TLE3: variants seen among roughly 807,000 people sequenced by gnomAD.
The protein encoded by TLE3 is TLE family member 3, transcriptional corepressor.
In TLE3, 14 loss-of-function variants were observed where a neutral mutation model predicts 93.0. The ratio of observed to expected loss-of-function variants is 0.15; its 90% CI spans 0.10 to 0.24. The LOEUF is 0.24. Among genes scored for constraint, TLE3 ranks in the 10% least tolerant of loss-of-function variants. TLE3 has a pLI of 1.00. For synonymous variants in TLE3, 451 were observed against 425.0 expected (o/e 1.06, Z -0.75); for missense variants, 693 against 1,046.6 (o/e 0.66, Z 4.66).
chr15:70,079,221 C>A lies in TLE3; in HGVS notation c.235-3063G>T, dbSNP rs140502498. Among the ~76,000 whole-genome samples, 628 of 152,040 alleles carry A rather than the reference C, an allele frequency of 4.1e-3. 3 individuals are homozygous for A. Among genetic ancestry groups the A allele is most frequent in the African/African-American group, 0.014 (599 of 41,530 alleles). Reference sequence around the variant, plus strand: ...AAGCATCAACTGAGGGCTATCGCAACAATGCCACACAGATGCAGAACCTTC... The same window carrying A: ...AAGCATCAACTGAGGGCTATCGCAAAAATGCCACACAGATGCAGAACCTTC... On this transcript the variant is annotated intron_variant, in intron 4 of 19. Coordinates refer to ENST00000451782, the MANE Select transcript of TLE3 (RefSeq NM_001105192.3).
At chr15:70,065,663 A>G (rs1195438644) in intron 7 of TLE3, among the ~76,000 whole-genome samples, 1 of 152,246 alleles carries the variant, frequency 6.6e-6, no homozygotes, top group African/African-American at 2.4e-5. Context: ...AAACTCTTAC[A>G]GGAACTTGAA....
chr15:70,059,992 A>G (rs1252435399), intron 9 of TLE3, among the ~76,000 whole-genome samples: 1 of 152,174 alleles, frequency 6.6e-6, no homozygotes, highest in Admixed American at 6.5e-5. Context: ...GAGGCCCTGC[A>G]CCATATCCTC....
chr15:70,073,133 C>G (rs1369643717), intron 6 of TLE3, among the ~76,000 whole-genome samples: 1 of 152,190 alleles, frequency 6.6e-6, no homozygotes, highest in African/African-American at 2.4e-5. Flanking sequence ...CATCACGGGT[C>G]CTGACAGTGT....
rs1457885015 is a variant in TLE3, at chr15:70,061,882, G to GACCCA, written c.595-1234_595-1233insTGGGT. On this transcript the variant is annotated intron_variant, in intron 8 of 19. Transcript: ENST00000451782. ...GTCCCAGTCCCCATGCAACACAGGA[G>GACCCA]GTCATATGGAGACCCAGAGGGACAT... Among the ~76,000 whole-genome samples, 1,344 of 152,278 alleles carry GACCCA rather than the reference G, an allele frequency of 8.8e-3. 25 individuals carry two copies. Among genetic ancestry groups the GACCCA allele is most frequent in the African/African-American group, 0.031 (1,303 of 41,550 alleles).
At chr15:70,052,032 C>T (rs76962864) in intron 18 of TLE3, among the ~76,000 whole-genome samples, 3,415 of 152,310 alleles carry the variant, frequency 0.022, 141 homozygotes, top group East Asian at 0.21. Context: ...AGCAGACATT[C>T]CCATCCAAGG....
At position 70,050,121 on chromosome 15, in the gene TLE3, G is replaced by T; in HGVS notation, c.2286C>A (p.Ala762=). 2 of 1,614,028 alleles carry T rather than the reference G, an allele frequency of 1.2e-6. No homozygotes were observed. The highest frequency in any genetic ancestry group is 1.7e-6 in the Non-Finnish European group (2 of 1,179,892). Residue 762 remains alanine, a synonymous_variant, in exon 20 of 20, where the codon GCC becomes GCA. Coordinates refer to ENST00000451782, the MANE Select transcript of TLE3 (RefSeq NM_001105192.3). ...TTTAGTAGATGACCTCATAAACTGT[G>T]GCCTTCTTGTCACCAGAGCCTGTTA... The part of the protein sequence containing the change: ...YIVTGSGDKK[A]TVYEVIY
intron 4 of TLE3, among the ~76,000 whole-genome samples, chr15:70,081,480 T>C (rs1273092225): frequency 6.6e-6 from 1 of 152,236 alleles, no homozygotes; most frequent in Non-Finnish European, 1.5e-5. Context: ...TGCGCTTCAC[T>C]GTGGAAGAGC....
chr15:70,079,575 A>C (rs1417782942), intron 4 of TLE3: 1 of 381,532 alleles, frequency 2.6e-6, no homozygotes, highest in African/African-American at 2.3e-5. Context: ...GGCCTCCCCC[A>C]TCTCTACAAA....
intron 6 of TLE3, among the ~76,000 whole-genome samples, chr15:70,073,263 A>C (rs1335926216): frequency 6.6e-6 from 1 of 152,182 alleles, no homozygotes; most frequent in African/African-American, 2.4e-5. Flanking sequence ...ACAGATACAG[A>C]AACTGAGGCC....
At chr15:70,072,653 C>T (rs988724660) in intron 6 of TLE3, among the ~76,000 whole-genome samples, 2 of 152,190 alleles carry the variant, frequency 1.3e-5, no homozygotes, top group African/African-American at 2.4e-5. Context: ...ACATCATAAT[C>T]ACTTCCCCTC....
intron 14 of TLE3, 115 bp from the exon 15 acceptor site, chr15:70,055,413 C>T (rs2055932793): frequency 6.9e-7 from 1 of 1,450,734 alleles, no homozygotes; most frequent in Non-Finnish European, 9.1e-7. Context: ...CTCTAGCCCC[C>T]TCTGCTCTGA....
intron 4 of TLE3, 32 bp downstream of exon 4, chr15:70,094,500 G>A: frequency 1.3e-6 from 2 of 1,499,356 alleles, no homozygotes; most frequent in Non-Finnish European, 1.8e-6. Flanking sequence ...TTTAAAAAAT[G>A]AAATATATTT....
At chr15:70,095,145 A>T (rs889747027) in intron 3 of TLE3, among the ~76,000 whole-genome samples, 3 of 152,050 alleles carry the variant, frequency 2.0e-5, no homozygotes, top group African/African-American at 7.2e-5. Flanking sequence ...CTTCTGTCCT[A>T]CTCTGGCTAG....
At position 70,051,476 on chromosome 15, in the gene TLE3, G is replaced by A. The variant is rs753645399; in HGVS notation, c.2126-9C>T. ...GCTCACGAACCACTTGCCTGCAGGT[G>A]GGAGGCAAAGGCATGATCAGGTTGT... On this transcript the variant is annotated splice_polypyrimidine_tract_variant and intron_variant, in intron 18 of 19. Transcript: ENST00000451782. 1 of 1,601,176 alleles carries A rather than the reference G, an allele frequency of 6.2e-7. No homozygotes were observed. Among genetic ancestry groups the A allele is most frequent in the African/African-American group, 1.3e-5 (1 of 74,854 alleles).
rs577351733 is a variant in TLE3, at chr15:70,050,403, C to T, written c.2203-199G>A. On this transcript the variant is annotated intron_variant, in intron 19 of 19. Transcript: ENST00000451782. Reference sequence around the variant, plus strand: ...GGGAGGCTTTAAAGCACCCATGAAGCATTTTCAGGTAGAGCTCCCCTCCCA... The same window carrying T: ...GGGAGGCTTTAAAGCACCCATGAAGTATTTTCAGGTAGAGCTCCCCTCCCA... The T allele has an allele frequency of 2.7e-5, 14 of 511,054 alleles. No homozygotes were observed. In the South Asian group the frequency reaches 3.0e-4, roughly 11 times the overall value. 31.7% of individuals were successfully genotyped at this position (511,054 alleles called of 1,614,324 possible).
intron 4 of TLE3, among the ~76,000 whole-genome samples, chr15:70,077,764 G>C (rs2057522434): frequency 6.6e-6 from 1 of 152,226 alleles, no homozygotes; most frequent in South Asian, 2.1e-4. Context: ...GAACACTCTA[G>C]CTCCTCAGGA....
rs1402485796 is a variant in TLE3, at chr15:70,097,877, C to G, written c.-1079G>C. The G allele has an allele frequency of 3.2e-6, 1 of 310,312 alleles. No homozygotes were observed. Among genetic ancestry groups the G allele is most frequent in the Admixed American group, 5.1e-5 (1 of 19,790 alleles). The allele number at this position is 310,312 out of a possible 1,614,324, so 19.2% of individuals were successfully genotyped here. A position where few individuals can be genotyped will look rare whatever the true frequency, so the allele number is the denominator to read the frequency against. On this transcript the variant is annotated 5_prime_UTR_variant, in exon 1 of 20. Transcript: ENST00000451782. Reference sequence around the variant, plus strand: ...CACAGACAGGCGAAGGGGACGAGCACGAGGTCTGAACTGCCGCGAGAGCAG... The same window carrying G: ...CACAGACAGGCGAAGGGGACGAGCAGGAGGTCTGAACTGCCGCGAGAGCAG...
chr15:70,080,791 C>T (rs1413615475), intron 4 of TLE3, among the ~76,000 whole-genome samples: 1 of 152,208 alleles, frequency 6.6e-6, no homozygotes, highest in Admixed American at 6.5e-5. Context: ...ATCCTTGGCC[C>T]TTGACCCAAG....
At chr15:70,079,494 C>CCCAGCTGTCA (rs2057647693) in intron 4 of TLE3, 1 of 470,524 alleles carries the variant, frequency 2.1e-6, no homozygotes, top group South Asian at 1.6e-5. Flanking sequence ...TCCCATCCCT[C>CCCAGCTGTCA]CCAGCTGTCA....
Sources: gnomAD v4.1 joint callset for allele counts (sites outside exome capture counted in the v4.1 genomes callset) on GRCh38, gnomAD v4.1.1 for gene constraint, MANE v1.5 for transcripts, NCBI Gene and HGNC (gene_info 2026-07-23, HGNC 2026-07-21) for gene names.